The following DYNC2I1 variants were observed in gnomAD, a reference collection of about 807,000 sequenced individuals.
DYNC2I1 encodes cytoplasmic dynein 2 intermediate chain 1.
In DYNC2I1, 89 loss-of-function variants were observed where a neutral mutation model predicts 133.4. That is an observed-to-expected ratio of 0.67 (90% CI 0.56 to 0.80). The LOEUF (loss-of-function observed/expected upper bound fraction) is 0.80, where lower values mean the gene tolerates loss of function less well. DYNC2I1 is among the 30% of genes least tolerant of loss of function. The pLI is 0.00. For synonymous variants in DYNC2I1, 504 were observed against 484.3 expected, an observed-to-expected ratio of 1.04 and a Z score of -0.54; for missense variants, 1,291 against 1,314.5, an observed-to-expected ratio of 0.98 and a Z score of 0.28.
the DYNC2I1 span, among the ~76,000 whole-genome samples, chr7:158,844,621 A>AT: frequency 1.3e-5 from 2 of 151,418 alleles, no homozygotes; most frequent in East Asian, 3.9e-4. Flanking sequence ...AATTGCTCTC[A>AT]TTTTTTTTCT....
chr7:158,884,334 C>T (rs921798350), intron 5 of DYNC2I1, among the ~76,000 whole-genome samples: 4 of 152,304 alleles, frequency 2.6e-5, no homozygotes, highest in East Asian at 3.9e-4. Context: ...CGTGAGCCAC[C>T]GTGCCCAGCA....
At chr7:158,912,247 CATTA>C (rs1341385435) in intron 12 of DYNC2I1, among the ~76,000 whole-genome samples, 1 of 152,152 alleles carries the variant, frequency 6.6e-6, no homozygotes, top group Non-Finnish European at 1.5e-5. Flanking sequence ...TATTTCCAAT[CATTA>C]ATTCATTATG....
chr7:158,879,753 C>A lies in DYNC2I1; in HGVS notation c.643C>A (p.His215Asn). The A allele has an allele frequency of 6.2e-7, 1 of 1,607,750 alleles. No individual in the cohort carries two copies. The highest frequency in any genetic ancestry group is 8.5e-7 in the Non-Finnish European group (1 of 1,178,504). Reference sequence around the variant, plus strand: ...TTATAAAGAAGAAGGCGAGAGGAGACACAGGAAGCCCAGAGAGCCAGATCG... The same window carrying A: ...TTATAAAGAAGAAGGCGAGAGGAGAAACAGGAAGCCCAGAGAGCCAGATCG... ...WLYKEEGERR[H>N]RKPREPDRDN... is the part of the protein sequence containing the mutation. The change falls in exon 5 of 25, where the codon CAC becomes AAC. Residue 215 changes from histidine to asparagine, a missense_variant. Physicochemically the swap from His to Asn is moderately conservative, Grantham distance 68. Transcript: ENST00000407559.
intron 23 of DYNC2I1, among the ~76,000 whole-genome samples, chr7:158,934,795 G>A: frequency 6.6e-6 from 1 of 152,080 alleles, no homozygotes; most frequent in South Asian, 2.1e-4. Flanking sequence ...TCCCTGTGTT[G>A]CCTAGGCTTG....
chr7:158,893,996 TATC>T (rs1321362710), intron 8 of DYNC2I1, among the ~76,000 whole-genome samples: 8 of 152,092 alleles, frequency 5.3e-5, no homozygotes, highest in East Asian at 1.9e-4. Flanking sequence ...TCACACCACA[TATC>T]ATACCGTATA....
chr7:158,930,236 C>T (rs535910479), intron 20 of DYNC2I1, among the ~76,000 whole-genome samples: 1 of 152,266 alleles, frequency 6.6e-6, no homozygotes, highest in Admixed American at 6.5e-5. Context: ...AATCTTTCTT[C>T]CCATAAGACT....
chr7:158,946,937 C>T (rs190490638), downstream of DYNC2I1, among the ~76,000 whole-genome samples: 19 of 152,332 alleles, frequency 1.2e-4, no homozygotes, highest in Admixed American at 3.9e-4. Flanking sequence ...CCGGCTGTGA[C>T]GCTGCAGACA....
intron 1 of DYNC2I1, among the ~76,000 whole-genome samples, chr7:158,857,662 C>T (rs992520861): frequency 1.3e-5 from 2 of 151,440 alleles, no homozygotes; most frequent in Non-Finnish European, 2.9e-5. Context: ...CTCAGTCTCC[C>T]GAGTAGGTGG....
chr7:158,887,199 G>T (rs530005302), intron 7 of DYNC2I1, 124 bp downstream of exon 7: 3 of 931,252 alleles, frequency 3.2e-6, no homozygotes, highest in South Asian at 1.5e-5. Context: ...TGGTTTATTC[G>T]AGTGGTGATC....
chr7:158,915,685 C>G lies in DYNC2I1; in HGVS notation c.1791+1364C>G, dbSNP rs113546724. Among the ~76,000 whole-genome samples the G allele has an allele frequency of 2.9e-3, 356 of 120,742 alleles. 2 individuals carry two copies. Among genetic ancestry groups the G allele is most frequent in the African/African-American group, 9.8e-3 (304 of 31,142 alleles). The allele number at this position is 120,742 out of a possible 152,430, so 79.2% of individuals were successfully genotyped here. On this transcript the variant is annotated intron_variant, in intron 14 of 24. Transcript: ENST00000407559. ...GACATTAAGGATGATTGTGAAACGT[C>G]GACACGCTGGTTGACATTAAGGATG... is the stretch of plus-strand genomic sequence containing the variant.
Position 158,902,400 on chromosome 7 carries a change from TGTGATG to T in DYNC2I1, c.1169_1174del (p.Gly390_Asp391del). 1.2e-6 allele frequency: 2 copies of T among 1,613,380 alleles called. No individual in the cohort carries two copies. The highest frequency in any genetic ancestry group is 1.1e-5 in the South Asian group (1 of 91,018). On this transcript the variant is annotated inframe_deletion, in exon 10 of 25. Transcript: ENST00000407559. ...GGACTATGAAGATGACTTTGAGGTT[TGTGATG>T]GTGATGATGATGAAAGCAGTAATGA... is the stretch of plus-strand genomic sequence containing the variant.
chr7:158,863,167 A>G (rs1484175757), intron 1 of DYNC2I1, among the ~76,000 whole-genome samples: 1 of 151,868 alleles, frequency 6.6e-6, no homozygotes, highest in Admixed American at 6.6e-5. Flanking sequence ...GGCCCTGCCC[A>G]CATCGTGGTG....
chr7:158,926,573 C>T (rs1301416019), intron 19 of DYNC2I1, 110 bp downstream of exon 19: 31 of 1,231,590 alleles, frequency 2.5e-5, no homozygotes, highest in Admixed American at 2.3e-4. Context: ...TGGTGGGAAA[C>T]GGAGAGCAAG....
chr7:158,948,457 C>T (rs1013754902), downstream of DYNC2I1, among the ~76,000 whole-genome samples: 7 of 152,224 alleles, frequency 4.6e-5, no homozygotes, highest in African/African-American at 1.2e-4. Flanking sequence ...CGTTACCTCA[C>T]GTGTGGTTAT....
At chr7:158,867,518 G>A (rs1842513987) in intron 1 of DYNC2I1, among the ~76,000 whole-genome samples, 1 of 152,220 alleles carries the variant, frequency 6.6e-6, no homozygotes, top group Non-Finnish European at 1.5e-5. Context: ...GTTGCCAGGA[G>A]GCAGTGGTGC....
intron 3 of DYNC2I1, among the ~76,000 whole-genome samples, chr7:158,875,345 G>A (rs1473644972): frequency 6.6e-6 from 1 of 152,024 alleles, no homozygotes; most frequent in Non-Finnish European, 1.5e-5. Context: ...CACCTGCCTC[G>A]GCCTCCCAAA....
chr7:158,913,727 G>C (rs1251810146), intron 13 of DYNC2I1, among the ~76,000 whole-genome samples: 1 of 150,556 alleles, frequency 6.6e-6, no homozygotes, highest in African/African-American at 2.5e-5. Flanking sequence ...TTTTTTTTTT[G>C]AGATGGAGCC....
intron 1 of DYNC2I1, among the ~76,000 whole-genome samples, chr7:158,864,861 A>G (rs1563075241): frequency 6.6e-6 from 1 of 152,232 alleles, no homozygotes; most frequent in Admixed American, 6.5e-5. Flanking sequence ...TCAAATCAGT[A>G]TTTAACTTTA....
At position 158,856,567 on chromosome 7, in the gene DYNC2I1, C is replaced by CGCAGGGCACGCTGG. The variant is rs1194426413; in HGVS notation, c.-164_-151dup. ...GATGCGCAGGCGCACTGGGAGAGGC[C>CGCAGGGCACGCTGG]GCAGGGCACGCTGGGCAGTGCTTCT... On this transcript the variant is annotated 5_prime_UTR_variant, in exon 1 of 25. Coordinates refer to ENST00000407559, the MANE Select transcript of DYNC2I1 (RefSeq NM_018051.5). 7.8e-6 allele frequency: 5 copies of CGCAGGGCACGCTGG among 641,206 alleles called. No individual in the cohort carries two copies. Among genetic ancestry groups the CGCAGGGCACGCTGG allele is most frequent in the African/African-American group, 5.7e-5 (3 of 52,836 alleles). The allele number at this position is 641,206 out of a possible 1,614,324, so 39.7% of individuals were successfully genotyped here.
Sources: allele counts gnomAD v4.1 joint callset (sites outside exome capture counted in the v4.1 genomes callset), GRCh38; gene constraint gnomAD v4.1.1; transcripts MANE v1.5; gene names NCBI Gene and HGNC (gene_info 2026-07-23, HGNC 2026-07-21).